Variants in TMED9 observed in about 807,000 individuals in gnomAD.
TMED9 encodes the protein transmembrane p24 trafficking protein 9, also known as transmembrane emp24 domain-containing protein 9.
TMED9 carries 22 observed loss-of-function variants against 30.6 expected under a neutral mutation model. The ratio of observed to expected loss-of-function variants is 0.72; its 90% CI spans 0.51 to 1.03. The LOEUF (loss-of-function observed/expected upper bound fraction) is 1.03, where lower values mean the gene tolerates loss of function less well. Among genes scored for constraint, TMED9 ranks in the 50% least tolerant of loss-of-function variants. The probability of loss-of-function intolerance (pLI) is 0.00; values close to 1 mark genes in which losing one functional copy is unlikely to be tolerated. For synonymous variants in TMED9, 146 were observed against 122.8 expected (o/e 1.19, Z -1.25); for missense variants, 251 against 302.1 (o/e 0.83, Z 1.25).
At chr5:177,594,021 G>A in intron 3 of TMED9, 118 bp from the exon 4 acceptor site, 1 of 1,395,672 alleles carries the variant, frequency 7.2e-7, no homozygotes, top group Non-Finnish European at 9.9e-7. Context: ...CACTGAAGAG[G>A]GCCCAGTCTG....
Position 177,592,441 on chromosome 5 carries a change from T to C in TMED9, c.184+43T>C, listed in dbSNP as rs369201803. 269 of 1,566,190 alleles carry C rather than the reference T, an allele frequency of 1.7e-4. 1 individual carries two copies. In the African/African-American group the frequency reaches 2.1e-3, roughly 12 times the overall value. On this transcript the variant is annotated intron_variant, in intron 1 of 4. Coordinates refer to ENST00000332598, the MANE Select transcript of TMED9 (RefSeq NM_017510.6). ...AAGGGGCGAGTTTGGAACGTGACCG[T>C]GGTCTTGGGGCGGGGGATGCGAGAC...
intron 4 of TMED9, among the ~76,000 whole-genome samples, chr5:177,594,775 T>C (rs1000845826): frequency 1.3e-5 from 2 of 152,224 alleles, no homozygotes; most frequent in Non-Finnish European, 2.9e-5. Flanking sequence ...CATTTTAATT[T>C]ATTTTTTATT....
In TMED9 at chr5:177,596,634, G is replaced by T. The variant is rs115437694; in HGVS notation, c.*1218G>T. On this transcript the variant is annotated 3_prime_UTR_variant, in exon 5 of 5. Transcript: ENST00000332598. Reference sequence around the variant, plus strand: ...GGAGGTGGGTGGGTGTTTAATTTCAGCTGCAGAGGGTGTTGTGAGGAAGCT... The same window carrying T: ...GGAGGTGGGTGGGTGTTTAATTTCATCTGCAGAGGGTGTTGTGAGGAAGCT... 6.6e-6 allele frequency among the ~76,000 whole-genome samples: 1 copy of T among 152,192 alleles called. No homozygotes were observed. The highest frequency in any genetic ancestry group is 1.5e-5 in the Non-Finnish European group (1 of 68,040).
At position 177,594,299 on chromosome 5, in the gene TMED9, C is replaced by T; in HGVS notation, c.558+14C>T. 6.2e-7 allele frequency: 1 copy of T among 1,613,138 alleles called. No homozygotes were observed. Among genetic ancestry groups the T allele is most frequent in the Non-Finnish European group, 8.5e-7 (1 of 1,179,696 alleles). ...AACTACCAGCGGGTGAGTGACTGGG[C>T]CGGGAGCAGTGGGCTTCTCCCTAGA... On this transcript the variant is annotated intron_variant, in intron 4 of 4. Coordinates refer to ENST00000332598, the MANE Select transcript of TMED9 (RefSeq NM_017510.6).
intron 2 of TMED9, 104 bp from the exon 3 acceptor site, chr5:177,593,546 A>G (rs1664658911): frequency 1.4e-6 from 2 of 1,437,340 alleles, no homozygotes; most frequent in Admixed American, 3.7e-5. Context: ...GAGGTGCGAA[A>G]GGCTGTGCCT....
chr5:177,593,910 T>A, intron 3 of TMED9, 135 bp downstream of exon 3: 1 of 1,333,900 alleles, frequency 7.5e-7, no homozygotes, highest in Non-Finnish European at 1.0e-6. Flanking sequence ...TTCCACTGGA[T>A]GTCCAGGACA....
chr5:177,592,355 G>A lies in TMED9; in HGVS notation c.141G>A (p.Lys47=). ...ACTTTCACATCGGAGAGACGGAGAA[G>A]AAGTGCTTTATTGAGGAGATCCCGG... The part of the protein sequence containing the change: ...ALYFHIGETE[K]KCFIEEIPDE... The change falls in exon 1 of 5, where the codon AAG becomes AAA. Residue 47 remains lysine (K), a synonymous_variant. Coordinates refer to ENST00000332598, the MANE Select transcript of TMED9 (RefSeq NM_017510.6). 11 of 1,605,338 alleles carry A rather than the reference G, an allele frequency of 6.9e-6. No individual in the cohort carries two copies. The highest frequency in any genetic ancestry group is 7.7e-6 in the Non-Finnish European group (9 of 1,176,098).
intron 3 of TMED9, 24 bp downstream of exon 3, chr5:177,593,799 G>A (rs1767636124): frequency 1.2e-6 from 2 of 1,613,324 alleles, no homozygotes; most frequent in Admixed American, 1.7e-5. Flanking sequence ...TGTGAGACTT[G>A]CAGGTTTCAG....
chr5:177,595,309 C>T lies in TMED9; in HGVS notation c.601C>T (p.Gln201Ter). ...CCGGCAGACCAGTGAGAGCACCAAC[C>T]AGCGGGTGCTGTGGTGGTCCATTCT... ...RFRQTSESTN[Q>*]RVLWWSILQT... The change falls in exon 5 of 5, where the codon CAG (glutamine) becomes TAG (stop). Residue 201 changes from glutamine (Q) to a stop codon, truncating the protein, a stop_gained. Transcript: ENST00000332598. LOFTEE classifies it high-confidence loss of function. The T allele has an allele frequency of 6.2e-7, 1 of 1,608,666 alleles. No homozygotes were observed. Among genetic ancestry groups the T allele is most frequent in the Non-Finnish European group, 8.5e-7 (1 of 1,176,182 alleles).
rs757322335 is a variant in TMED9, at chr5:177,593,789, T to C, written c.411+14T>C. On this transcript the variant is annotated intron_variant, in intron 3 of 4. Coordinates refer to ENST00000332598, the MANE Select transcript of TMED9 (RefSeq NM_017510.6). ...GGAGGCATGCTGGTAAGTGGGCCCA[T>C]GTGAGACTTGCAGGTTTCAGCCTTC... The C allele has an allele frequency of 1.9e-6, 3 of 1,613,926 alleles. No homozygotes were observed. The highest frequency in any genetic ancestry group is 2.5e-6 in the Non-Finnish European group (3 of 1,179,838).
At position 177,592,513 on chromosome 5, in the gene TMED9, C is replaced by T; in HGVS notation, c.185-62C>T. The T allele has an allele frequency of 6.4e-6, 10 of 1,562,452 alleles. 1 individual carries two copies. The South Asian group carries it at 1.0e-4, about 16-fold the overall frequency. ...AGGAGACGGCCTCGCCGTGCCCAGG[C>T]GGTCGCGGAACCCATGCCACCTCGC... On this transcript the variant is annotated intron_variant, in intron 1 of 4. Transcript: ENST00000332598.
Position 177,592,609 on chromosome 5 carries a change from G to A in TMED9, c.219G>A (p.Arg73=). The A allele has an allele frequency of 1.2e-6, 2 of 1,613,806 alleles. No individual in the cohort carries two copies. The highest frequency in any genetic ancestry group is 1.7e-6 in the Non-Finnish European group (2 of 1,179,914). ...NYRTQLYDKQ[R]EEYQPATPGL... Reference sequence around the variant, plus strand: ...GGACGCAGCTGTATGACAAGCAGCGGGAGGAGTACCAGCCGGCCACCCCGG... The same window carrying A: ...GGACGCAGCTGTATGACAAGCAGCGAGAGGAGTACCAGCCGGCCACCCCGG... The change falls in exon 2 of 5, where the codon CGG becomes CGA. Residue 73 remains arginine (R), a synonymous_variant. Transcript: ENST00000332598.
At chr5:177,594,105 C>T in intron 3 of TMED9, 34 bp from the exon 4 acceptor site, 1 of 1,612,546 alleles carries the variant, frequency 6.2e-7, no homozygotes, top group Non-Finnish European at 8.5e-7. Flanking sequence ...AGCAGGGCTA[C>T]CAGATTTCCC....
rs551482669 is a variant in TMED9 at position 177,596,628 on chromosome 5, A to T, written c.*1212A>T. Among the ~76,000 whole-genome samples, 2 of 152,306 alleles carry T rather than the reference A, an allele frequency of 1.3e-5. No individual in the cohort carries two copies. Among genetic ancestry groups the T allele is most frequent in the East Asian group, 3.9e-4 (2 of 5,190 alleles). On this transcript the variant is annotated 3_prime_UTR_variant, in exon 5 of 5. Transcript: ENST00000332598. ...TGGAATGGAGGTGGGTGGGTGTTTA[A>T]TTTCAGCTGCAGAGGGTGTTGTGAG...
In TMED9 at chr5:177,597,146, C is replaced by CAAAA. The variant is rs1403084959; in HGVS notation, c.*1731_*1732insAAAA. Among the ~76,000 whole-genome samples the CAAAA allele has an allele frequency of 2.0e-5, 3 of 151,628 alleles. No individual in the cohort carries two copies. Among genetic ancestry groups the CAAAA allele is most frequent in the Non-Finnish European group, 4.4e-5 (3 of 67,960 alleles). ...AAGTTTTTTGGCGGGCACGGTGGTTCACACCTGTAATCCCAGCACTTTGGG... is the reference window on the plus strand; with the variant it reads ...AAGTTTTTTGGCGGGCACGGTGGTTCAAAAACACCTGTAATCCCAGCACTTTGGG... On this transcript the variant is annotated 3_prime_UTR_variant, in exon 5 of 5. Transcript: ENST00000332598.
rs1366186565 is a variant in TMED9, at chr5:177,596,583, G to C, written c.*1167G>C. Among the ~76,000 whole-genome samples, 1 of 152,216 alleles carries C rather than the reference G, an allele frequency of 6.6e-6. No homozygotes were observed. The highest frequency in any genetic ancestry group is 1.5e-5 in the Non-Finnish European group (1 of 68,024). ...GGAGATGGCAGGACAGGGGTGGTTG[G>C]AGAAGTGGAGGCAAACAGCTGGAAT... On this transcript the variant is annotated 3_prime_UTR_variant, in exon 5 of 5. Coordinates refer to ENST00000332598, the MANE Select transcript of TMED9 (RefSeq NM_017510.6).
At chr5:177,592,487 G>A (rs1767606265) in intron 1 of TMED9, 88 bp from the exon 2 acceptor site, 1 of 1,557,704 alleles carries the variant, frequency 6.4e-7, no homozygotes, top group Admixed American at 1.9e-5. Flanking sequence ...CTAGAGCCGG[G>A]AGGAGACGGC....
intron 4 of TMED9, 107 bp downstream of exon 4, chr5:177,594,392 G>T (rs1029346768): frequency 7.4e-7 from 1 of 1,346,272 alleles, no homozygotes; most frequent in Non-Finnish European, 1.0e-6. Context: ...GGACTTACCT[G>T]CACTGCATTG....
intron 4 of TMED9, 90 bp downstream of exon 4, chr5:177,594,375 C>A: frequency 2.0e-6 from 3 of 1,488,356 alleles, no homozygotes; most frequent in African/African-American, 2.8e-5. Flanking sequence ...ATTCTGAGAC[C>A]CCCAAGGGAC....
Sources: gnomAD v4.1 joint callset for allele counts (sites outside exome capture counted in the v4.1 genomes callset) on GRCh38, gnomAD v4.1.1 for gene constraint, MANE v1.5 for transcripts, NCBI Gene and HGNC (gene_info 2026-07-23, HGNC 2026-07-21) for gene names.